TSKS: variants seen among roughly 807,000 people sequenced by gnomAD.
TSKS encodes testis-specific serine kinase substrate.
In TSKS, 27 loss-of-function variants were observed where a neutral mutation model predicts 68.0. That is an observed-to-expected ratio of 0.40 (90% CI 0.29 to 0.55). The LOEUF (loss-of-function observed/expected upper bound fraction) is 0.55, where lower values mean the gene tolerates loss of function less well. TSKS is among the 20% of genes least tolerant of loss of function. TSKS has a pLI of 0.53. For synonymous variants in TSKS, 331 were observed against 340.4 expected (o/e 0.97, Z 0.30); for missense variants, 806 against 776.0 (o/e 1.04, Z -0.46).
intron 2 of TSKS, among the ~76,000 whole-genome samples, chr19:49,750,979 T>C (rs1230777814): frequency 2.0e-5 from 3 of 152,064 alleles, no homozygotes; most frequent in East Asian, 1.9e-4. Flanking sequence ...TAAGAAATAT[T>C]GTATCCAGTT....
intron 2 of TSKS, among the ~76,000 whole-genome samples, chr19:49,758,664 C>T (rs530823797): frequency 6.6e-6 from 1 of 152,270 alleles, no homozygotes; most frequent in Admixed American, 6.5e-5. Context: ...GACCCTCGCC[C>T]AGGCTCCCCT....
At position 49,745,367 on chromosome 19, in the gene TSKS, C is replaced by G; in HGVS notation, c.1022G>C (p.Trp341Ser). The change falls in exon 7 of 11, where the codon TGG becomes TCG. Residue 341 changes from tryptophan (W) to serine (S), a missense_variant. Physicochemically the swap from Trp to Ser is radical, Grantham distance 177. Coordinates refer to ENST00000246801, the MANE Select transcript of TSKS (RefSeq NM_021733.2). The stretch of plus-strand genomic sequence containing the variant: ...CTGCACCGCCCCCTCCTCCTGATGC[C>G]ACCGGGCGGTCAGTGAGGACACCTC... ...RREVSSLTAR[W>S]HQEEGAVQEA... 6.3e-7 allele frequency: 1 copy of G among 1,584,696 alleles called. No individual in the cohort carries two copies.
chr19:49,759,335 G>A (rs1239812113), intron 2 of TSKS, among the ~76,000 whole-genome samples: 1 of 151,670 alleles, frequency 6.6e-6, no homozygotes, highest in Admixed American at 6.6e-5. Context: ...CGGGCGTGGT[G>A]GCACACACCT....
rs369455635 is a variant in TSKS at position 49,741,156 on chromosome 19, C to T, written c.1497+729G>A. On this transcript the variant is annotated intron_variant, in intron 9 of 10. Transcript: ENST00000246801. The stretch of plus-strand genomic sequence containing the variant: ...TTGCGCCACTGCACTCCAGCCTGGG[C>T]GACAGAGCGAGACTCCATCTCAAAA... Among the ~76,000 whole-genome samples, 25 of 152,130 alleles carry T rather than the reference C, an allele frequency of 1.6e-4. 1 individual carries two copies. The East Asian group carries it at 4.3e-3, about 26-fold the overall frequency.
intron 7 of TSKS, 84 bp from the exon 8 acceptor site, chr19:49,744,488 C>T: frequency 7.0e-7 from 1 of 1,426,876 alleles, no homozygotes; most frequent in Non-Finnish European, 9.6e-7. Context: ...TAGCCCACCA[C>T]TTGCGTCTCC....
intron 1 of TSKS, among the ~76,000 whole-genome samples, chr19:49,762,446 C>G (rs1298122229): frequency 7.6e-6 from 1 of 132,326 alleles, no homozygotes; most frequent in African/African-American, 2.8e-5. Flanking sequence ...TTTTTTGAGA[C>G]AGAGTCTCAC....
intron 6 of TSKS, 144 bp downstream of exon 6, chr19:49,746,326 C>T (rs562737890): frequency 1.0e-6 from 1 of 957,984 alleles, no homozygotes; most frequent in Non-Finnish European, 1.5e-6. Flanking sequence ...CCTCAGGTCC[C>T]CGAGGCTCCA....
intron 9 of TSKS, among the ~76,000 whole-genome samples, chr19:49,740,687 C>T (rs571219864): frequency 1.3e-5 from 2 of 148,546 alleles, no homozygotes; most frequent in South Asian, 4.3e-4. Flanking sequence ...AGTTCGAGAC[C>T]AGCCTGGCCA....
intron 2 of TSKS, among the ~76,000 whole-genome samples, chr19:49,757,474 G>A (rs955671252): frequency 1.3e-5 from 2 of 152,178 alleles, no homozygotes; most frequent in Non-Finnish European, 2.9e-5. Context: ...TTTCCTGTGG[G>A]TAATTGTTCT....
intron 2 of TSKS, among the ~76,000 whole-genome samples, chr19:49,760,165 G>A (rs2084428758): frequency 6.6e-6 from 1 of 151,464 alleles, no homozygotes; most frequent in South Asian, 2.1e-4. Context: ...ATAAAGAAAG[G>A]AAAAGAGATA....
Position 49,739,805 on chromosome 19 carries a change from T to C in TSKS, c.1750A>G (p.Lys584Glu), listed in dbSNP as rs777284516. 3 of 1,555,006 alleles carry C rather than the reference T, an allele frequency of 1.9e-6. No homozygotes were observed. The highest frequency in any genetic ancestry group is 2.7e-6 in the Non-Finnish European group (3 of 1,127,718). ...GGGSSAGTPPKQGGSAPEQ is the reference protein window; with the variant it reads ...GGGSSAGTPPEQGGSAPEQ Reference sequence around the variant, plus strand: ...TGTTCAGGGGCTGAGCCCCCCTGTTTTGGGGGGGTTCCTGCACTGCTGCCT... The same window carrying C: ...TGTTCAGGGGCTGAGCCCCCCTGTTCTGGGGGGGTTCCTGCACTGCTGCCT... The change falls in exon 11 of 11, where the codon AAA becomes GAA. Residue 584 changes from lysine (K) to glutamate (E), a missense_variant. By Grantham distance (56) the Lys-to-Glu change is moderately conservative. Transcript: ENST00000246801.
Position 49,744,360 on chromosome 19 carries a change from A to T in TSKS, c.1232T>A (p.Leu411Gln), listed in dbSNP as rs2084278653. 6.2e-7 allele frequency: 1 copy of T among 1,613,866 alleles called. No homozygotes were observed. The highest frequency in any genetic ancestry group is 1.3e-5 in the African/African-American group (1 of 74,860). ...GGGTTTCAGTGGGCCCAGCCCCTCC[A>T]GTTCGCTCCTCAGTGAAGCCACAGA... The part of the protein sequence containing the change: ...AVSVASLRSE[L>Q]EGLGPLKPIL... The change falls in exon 8 of 11, where the codon CTG becomes CAG. Residue 411 changes from leucine to glutamine, a missense_variant. By Grantham distance (113) the Leu-to-Gln change is moderately radical. Coordinates refer to ENST00000246801, the MANE Select transcript of TSKS (RefSeq NM_021733.2).
intron 5 of TSKS, 63 bp from the exon 6 acceptor site, chr19:49,746,861 C>T: frequency 1.3e-6 from 2 of 1,564,648 alleles, no homozygotes; most frequent in Non-Finnish European, 8.6e-7. Context: ...ACCACCTCCA[C>T]CCCAAAATCC....
intron 1 of TSKS, among the ~76,000 whole-genome samples, chr19:49,762,851 C>T (rs926232914): frequency 1.3e-5 from 2 of 151,982 alleles, no homozygotes; most frequent in South Asian, 2.1e-4. Flanking sequence ...GCTTTTTCCT[C>T]TCTCCATCCA....
chr19:49,739,916 G>A lies in TSKS; in HGVS notation c.1639C>T (p.Leu547=). The change falls in exon 11 of 11, where the codon CTG becomes TTG. Residue 547 remains leucine (L), a synonymous_variant. Transcript: ENST00000246801. ...KMKPEEKMAT[L]DHLHLKMCSL... is the part of the protein sequence containing the mutation. ...CACATCTTCAAGTGTAGATGGTCCA[G>A]AGTGGCCATCTTCTCCCTGTCATGA... 1 of 1,612,574 alleles carries A rather than the reference G, an allele frequency of 6.2e-7. No individual in the cohort carries two copies. The highest frequency in any genetic ancestry group is 8.5e-7 in the Non-Finnish European group (1 of 1,178,872).
chr19:49,762,123 C>A lies in TSKS; in HGVS notation c.280G>T (p.Asp94Tyr). The A allele has an allele frequency of 6.2e-7, 1 of 1,614,168 alleles. No homozygotes were observed. The highest frequency in any genetic ancestry group is 8.5e-7 in the Non-Finnish European group (1 of 1,180,042). Residue 94 changes from aspartate to tyrosine, a missense_variant, in exon 2 of 11, where the codon GAC (aspartate) becomes TAC (tyrosine). Transcript: ENST00000246801. ...ACTGTGGAGTCTGTCCCCGTGGAGT[C>A]AGTGGGCTCCATGGCGGCCAGGTTG... Reference protein sequence around the residue: ...LLNLAAMEPTDSTGTDSTVED... With the variant: ...LLNLAAMEPTYSTGTDSTVED...
In TSKS at chr19:49,744,365, G is replaced by T. The variant is rs777344514; in HGVS notation, c.1227C>A (p.Ser409Arg). ...TCAGTGGGCCCAGCCCCTCCAGTTC[G>T]CTCCTCAGTGAAGCCACAGACACTG... ...RSAVSVASLR[S>R]ELEGLGPLKP... is the part of the protein sequence containing the mutation. The change falls in exon 8 of 11, where the codon AGC becomes AGA. Residue 409 changes from serine to arginine, a missense_variant. By Grantham distance (110) the Ser-to-Arg change is moderately radical. Coordinates refer to ENST00000246801, the MANE Select transcript of TSKS (RefSeq NM_021733.2). The T allele has an allele frequency of 6.2e-7, 1 of 1,613,910 alleles. No homozygotes were observed. Among genetic ancestry groups the T allele is most frequent in the Non-Finnish European group, 8.5e-7 (1 of 1,180,002 alleles).
chr19:49,747,576 C>T (rs2084313744), intron 4 of TSKS, 104 bp from the exon 5 acceptor site: 2 of 1,098,060 alleles, frequency 1.8e-6, no homozygotes, highest in Admixed American at 1.8e-5. Flanking sequence ...CCTAGCCCCC[C>T]AGTACAAGAC....
chr19:49,739,776 T>G lies in TSKS; in HGVS notation c.1779A>C (p.Ter593TyrextTer?). 1 of 1,353,296 alleles carries G rather than the reference T, an allele frequency of 7.4e-7. No homozygotes were observed. Among genetic ancestry groups the G allele is most frequent in the Non-Finnish European group, 1.0e-6 (1 of 954,352 alleles). The allele number at this position is 1,353,296 out of a possible 1,614,324, so 83.8% of individuals were successfully genotyped here. ...AATTCATGCTAGCATGAGAGGCCAT[T>G]TATTGTTCAGGGGCTGAGCCCCCCT... ...PKQGGSAPEQ[*>Y] is the part of the protein sequence containing the mutation. The change falls in exon 11 of 11, where the codon TAA becomes TAC. Residue 593 changes from the stop codon to tyrosine (Y), a stop_lost. Transcript: ENST00000246801.
Sources: gnomAD v4.1 joint callset for allele counts (sites outside exome capture counted in the v4.1 genomes callset) on GRCh38, gnomAD v4.1.1 for gene constraint, MANE v1.5 for transcripts, NCBI Gene and HGNC (gene_info 2026-07-23, HGNC 2026-07-21) for gene names.